The following FHIT variants were observed in gnomAD, a reference collection of about 807,000 sequenced individuals.
FHIT encodes bis(5'-adenosyl)-triphosphatase.
A neutral mutation model predicts 17.9 loss-of-function variants in FHIT; 19 were observed. That is an observed-to-expected ratio of 1.06 (90% CI 0.74 to 1.56). The LOEUF is 1.56. Among genes scored for constraint, FHIT ranks in the 40% most tolerant of loss-of-function variants. The pLI is 0.00. For synonymous variants in FHIT, 81 were observed against 69.7 expected (o/e 1.16, Z -0.81); for missense variants, 248 against 189.2 (o/e 1.31, Z -1.82).
intron 3 of FHIT, among the ~76,000 whole-genome samples, chr3:60,929,352 T>C (rs1380004953): frequency 6.6e-6 from 1 of 152,162 alleles, no homozygotes; most frequent in Non-Finnish European, 1.5e-5. Flanking sequence ...GTGTTGGAAG[T>C]TATGGCCAGG....
chr3:60,124,796 G>A (rs769783518), intron 5 of FHIT, among the ~76,000 whole-genome samples: 5 of 152,094 alleles, frequency 3.3e-5, no homozygotes, highest in Non-Finnish European at 7.4e-5. Flanking sequence ...GCCTTGATGT[G>A]CCACTATTAC....
intron 5 of FHIT, among the ~76,000 whole-genome samples, chr3:60,069,671 G>C (rs945610910): frequency 3.9e-5 from 6 of 152,164 alleles, no homozygotes; most frequent in Non-Finnish European, 8.8e-5. Flanking sequence ...TGTGACTCTA[G>C]TAAAGTTTCT....
chr3:60,220,850 C>T (rs1223126118), intron 5 of FHIT, among the ~76,000 whole-genome samples: 1 of 152,160 alleles, frequency 6.6e-6, no homozygotes, highest in Non-Finnish European at 1.5e-5. Flanking sequence ...AAAGAAAAGC[C>T]ACAGTCGATG....
At chr3:60,780,417 G>A (rs1417857533) in intron 4 of FHIT, among the ~76,000 whole-genome samples, 2 of 151,958 alleles carry the variant, frequency 1.3e-5, no homozygotes, top group South Asian at 2.1e-4. Flanking sequence ...AAAGGGTAAA[G>A]TTTTTTTTGC....
intron 7 of FHIT, among the ~76,000 whole-genome samples, chr3:59,943,687 C>A (rs963488297): frequency 1.3e-5 from 2 of 152,186 alleles, no homozygotes; most frequent in African/African-American, 4.8e-5. Context: ...GAAGAAAGAA[C>A]ATATTTGACT....
chr3:61,000,496 T>C (rs1195720248), intron 3 of FHIT, among the ~76,000 whole-genome samples: 1 of 152,166 alleles, frequency 6.6e-6, no homozygotes. Context: ...TGCTCTTTGA[T>C]ACCAAATGGC....
intron 4 of FHIT, among the ~76,000 whole-genome samples, chr3:60,710,549 A>T (rs569977788): frequency 6.2e-4 from 95 of 152,300 alleles, no homozygotes; most frequent in African/African-American, 2.0e-3. Context: ...GGCACCTGGA[A>T]AATCGGGCCC....
At chr3:59,861,846 T>A (rs573664968) in intron 8 of FHIT, among the ~76,000 whole-genome samples, 1 of 152,108 alleles carries the variant, frequency 6.6e-6, no homozygotes, top group South Asian at 2.1e-4. Flanking sequence ...TAGAAGAACA[T>A]GAAACATGGT....
At chr3:61,232,136 C>A (rs1168175094) in intron 1 of FHIT, among the ~76,000 whole-genome samples, 2 of 152,208 alleles carry the variant, frequency 1.3e-5, no homozygotes, top group Admixed American at 6.5e-5. Context: ...GTAATCCCAG[C>A]ACTTTGAGAA....
At chr3:60,166,807 G>C (rs1701196216) in intron 5 of FHIT, among the ~76,000 whole-genome samples, 3 of 152,114 alleles carry the variant, frequency 2.0e-5, no homozygotes, top group African/African-American at 4.8e-5. Context: ...TGAGCTTAAG[G>C]GAGTGCCCTG....
At chr3:60,193,220 G>C (rs1397708074) in intron 5 of FHIT, among the ~76,000 whole-genome samples, 2 of 152,202 alleles carry the variant, frequency 1.3e-5, no homozygotes, top group Non-Finnish European at 2.9e-5. Context: ...GCGGATGTGA[G>C]TATAATCACT....
At chr3:60,057,297 G>A (rs1347237835) in intron 5 of FHIT, among the ~76,000 whole-genome samples, 1 of 152,146 alleles carries the variant, frequency 6.6e-6, no homozygotes, top group African/African-American at 2.4e-5. Flanking sequence ...ATACTAATAT[G>A]TGGAATACTA....
At chr3:61,112,547 G>T (rs916175706) in intron 2 of FHIT, among the ~76,000 whole-genome samples, 1 of 152,064 alleles carries the variant, frequency 6.6e-6, no homozygotes, top group Non-Finnish European at 1.5e-5. Context: ...TTCCTTTTCA[G>T]GGCAAACATG....
chr3:61,145,481 G>T (rs2037199623), intron 2 of FHIT, among the ~76,000 whole-genome samples: 1 of 151,848 alleles, frequency 6.6e-6, no homozygotes, highest in African/African-American at 2.4e-5. Context: ...TCTTTTTCAA[G>T]ATTGTTTTGG....
chr3:60,756,868 G>A (rs2108044043), intron 4 of FHIT, among the ~76,000 whole-genome samples: 1 of 152,246 alleles, frequency 6.6e-6, no homozygotes, highest in South Asian at 2.1e-4. Context: ...TGACCACACA[G>A]CACTAACTTC....
Position 61,192,565 on chromosome 3 carries a change from A to G in FHIT, c.-164+8052T>C, listed in dbSNP as rs532561808. Among the ~76,000 whole-genome samples, 5 of 152,166 alleles carry G rather than the reference A, an allele frequency of 3.3e-5. No homozygotes were observed. The South Asian group carries it at 1.0e-3, about 32-fold the overall frequency. ...AGAGGGCAGGGAGCTTTTTTCTTTT[A>G]ATTCCCCTATTGTTTGAACCATTTC... On this transcript the variant is annotated intron_variant, in intron 2 of 9. Transcript: ENST00000492590.
chr3:59,763,528 A>C (rs143221374), intron 8 of FHIT, among the ~76,000 whole-genome samples: 1 of 152,368 alleles, frequency 6.6e-6, no homozygotes, highest in African/African-American at 2.4e-5. Context: ...TCAATTATTC[A>C]ACAAATATGA....
At chr3:60,666,671 GTTTA>G (rs2040387740) in intron 4 of FHIT, among the ~76,000 whole-genome samples, 1 of 151,918 alleles carries the variant, frequency 6.6e-6, no homozygotes. Context: ...AAATACTCGT[GTTTA>G]TTTGTTTGTT....
intron 3 of FHIT, among the ~76,000 whole-genome samples, chr3:61,032,764 A>T (rs1488507974): frequency 6.6e-6 from 1 of 152,246 alleles, no homozygotes; most frequent in Non-Finnish European, 1.5e-5. Flanking sequence ...CCAATGGGAT[A>T]AATGTAGATA....
Sources: gnomAD v4.1 joint callset for allele counts (sites outside exome capture counted in the v4.1 genomes callset) on GRCh38, gnomAD v4.1.1 for gene constraint, MANE v1.5 for transcripts, NCBI Gene and HGNC (gene_info 2026-07-23, HGNC 2026-07-21) for gene names.